The following ACYP2 variants were observed in gnomAD, a reference collection of about 807,000 sequenced individuals.
ACYP2 encodes the protein acylphosphatase-2.
In ACYP2, 12 loss-of-function variants were observed where a neutral mutation model predicts 11.2. The observed-to-expected ratio is 1.08, with a 90% CI of 0.69 to 1.74. The LOEUF (loss-of-function observed/expected upper bound fraction) is 1.74, where lower values mean the gene tolerates loss of function less well. ACYP2 is among the 40% of genes most tolerant of loss of function. The pLI is 0.00. For synonymous variants in ACYP2, 43 were observed against 32.2 expected (o/e 1.33, Z -1.13); for missense variants, 134 against 101.9 (o/e 1.31, Z -1.35).
chr2:54,283,591 G>A (rs1187124314), intron 6 of ACYP2, among the ~76,000 whole-genome samples: 2 of 152,314 alleles, frequency 1.3e-5, no homozygotes, highest in Non-Finnish European at 2.9e-5. Flanking sequence ...GTTTTAAACC[G>A]TGACTTCGTA....
chr2:54,183,886 A>T (rs1469504391), intron 6 of ACYP2, among the ~76,000 whole-genome samples: 1 of 152,184 alleles, frequency 6.6e-6, no homozygotes, highest in African/African-American at 2.4e-5. Context: ...TCTAGTTATC[A>T]AGGTAAAGAA....
chr2:54,057,137 A>T (rs1331057153), intron 3 of ACYP2: 1 of 392,724 alleles, frequency 2.5e-6, no homozygotes, highest in Non-Finnish European at 4.5e-6. Context: ...CATAAATTAG[A>T]TTGTCTAGAT....
chr2:54,011,446 C>T (rs1475594377), intron 2 of ACYP2, among the ~76,000 whole-genome samples: 2 of 152,142 alleles, frequency 1.3e-5, no homozygotes, highest in Non-Finnish European at 2.9e-5. Context: ...ATTTGTGTTA[C>T]ATTTTCCTCC....
chr2:53,983,585 C>A (rs553443008), intron 2 of ACYP2, among the ~76,000 whole-genome samples: 3 of 152,214 alleles, frequency 2.0e-5, no homozygotes, highest in African/African-American at 2.4e-5. Flanking sequence ...TAAAAAACAC[C>A]CATATGCTTA....
chr2:54,153,788 G>C (rs34731839), intron 6 of ACYP2, among the ~76,000 whole-genome samples: 1 of 151,814 alleles, frequency 6.6e-6, no homozygotes, highest in South Asian at 2.1e-4. Flanking sequence ...TTTTAGTAGA[G>C]ATGAGGTTTC....
At chr2:54,015,249 G>T (rs996786882) in intron 2 of ACYP2, among the ~76,000 whole-genome samples, 1 of 151,952 alleles carries the variant, frequency 6.6e-6, no homozygotes, top group Non-Finnish European at 1.5e-5. Flanking sequence ...GGTGGCTCAC[G>T]CCTGTAATCC....
intron 2 of ACYP2, among the ~76,000 whole-genome samples, chr2:53,980,595 T>G (rs1199541204): frequency 1.3e-5 from 2 of 152,064 alleles, no homozygotes; most frequent in Non-Finnish European, 2.9e-5. Context: ...ATAAATTTAG[T>G]GTAGCCTAAG....
intron 6 of ACYP2, chr2:54,253,490 G>C (rs2104015490): frequency 6.6e-6 from 1 of 152,230 alleles, no homozygotes; most frequent in African/African-American, 2.4e-5. Context: ...AAACAAGAAA[G>C]AGAACACCCA....
chr2:54,033,066 C>T (rs1039818600), intron 2 of ACYP2, among the ~76,000 whole-genome samples: 1 of 152,086 alleles, frequency 6.6e-6, no homozygotes, highest in Non-Finnish European at 1.5e-5. Flanking sequence ...AAGCCCAAGG[C>T]AAACTAATCA....
chr2:54,038,349 CT>C, intron 2 of ACYP2, among the ~76,000 whole-genome samples: 1 of 152,178 alleles, frequency 6.6e-6, no homozygotes, highest in Non-Finnish European at 1.5e-5. Flanking sequence ...ACTGCATACT[CT>C]TTGTTTTTTT....
At chr2:54,276,661 A>ACC (rs1558662935) in intron 6 of ACYP2, among the ~76,000 whole-genome samples, 1 of 134,224 alleles carries the variant, frequency 7.5e-6, no homozygotes, top group South Asian at 2.3e-4. Flanking sequence ...ACACACACAC[A>ACC]CCACACACAA....
intron 6 of ACYP2, among the ~76,000 whole-genome samples, chr2:54,211,061 T>G (rs1426298262): frequency 1.3e-5 from 2 of 152,182 alleles, no homozygotes; most frequent in Non-Finnish European, 2.9e-5. Context: ...TGATGTAAAC[T>G]CAATTGTACA....
At chr2:54,204,315 AT>A (rs368804501) in intron 6 of ACYP2, among the ~76,000 whole-genome samples, 23 of 127,014 alleles carry the variant, frequency 1.8e-4, no homozygotes, top group African/African-American at 4.2e-4. Context: ...TTTTTTTATG[AT>A]TTTTTTTTTC....
chr2:54,121,505 A>G (rs1274383214), intron 4 of ACYP2, among the ~76,000 whole-genome samples: 1 of 152,210 alleles, frequency 6.6e-6, no homozygotes, highest in Non-Finnish European at 1.5e-5. Flanking sequence ...TGAATACCAT[A>G]TTTCTTAAAT....
intron 2 of ACYP2, among the ~76,000 whole-genome samples, chr2:53,981,047 G>T (rs755641166): frequency 6.6e-6 from 1 of 152,036 alleles, no homozygotes; most frequent in Admixed American, 6.6e-5. Flanking sequence ...CCACCACACC[G>T]GAACAGATGT....
intron 6 of ACYP2, among the ~76,000 whole-genome samples, chr2:54,282,175 C>T (rs1252023382): frequency 2.0e-5 from 3 of 152,154 alleles, no homozygotes; most frequent in Non-Finnish European, 4.4e-5. Flanking sequence ...TATGAAATAA[C>T]AGAAGAATAT....
intron 4 of ACYP2, among the ~76,000 whole-genome samples, chr2:54,100,131 T>G (rs529491022): frequency 1.3e-5 from 2 of 152,314 alleles, no homozygotes; most frequent in East Asian, 3.9e-4. Context: ...GTTTGTGAAT[T>G]TATTCCAAAA....
chr2:54,064,509 C>A (rs551632502), intron 4 of ACYP2, among the ~76,000 whole-genome samples: 3 of 152,292 alleles, frequency 2.0e-5, no homozygotes, highest in Admixed American at 1.3e-4. Context: ...GATTTCATTT[C>A]TTCCTAGTGG....
In ACYP2 at chr2:54,304,707, G is replaced by T. The variant is rs534333041; in HGVS notation, c.424G>T (p.Val142Phe). ...TTATAGGAAGTCCTGGCTGAGCAAG[G>T]TTGGAAGCCCTAGTTCTCGCATTGA... is the stretch of plus-strand genomic sequence containing the variant. The change falls in exon 7 of 7, where the codon GTT becomes TTT. Residue 142 changes from valine (V) to phenylalanine (F), a missense_variant. Transcript: ENST00000607452. 2.5e-6 allele frequency: 4 copies of T among 1,611,108 alleles called. No homozygotes were observed. Among genetic ancestry groups the T allele is most frequent in the Non-Finnish European group, 3.4e-6 (4 of 1,178,954 alleles).
Sources: gnomAD v4.1 joint callset for allele counts (sites outside exome capture counted in the v4.1 genomes callset) on GRCh38, gnomAD v4.1.1 for gene constraint, MANE v1.5 for transcripts, NCBI Gene and HGNC (gene_info 2026-07-23, HGNC 2026-07-21) for gene names.